DHRS7B: variants seen among roughly 807,000 people sequenced by gnomAD.
The protein encoded by DHRS7B is dehydrogenase/reductase 7B, also known as peroxisomal reductase activating PPAR-gamma.
Under a neutral mutation model 26.4 loss-of-function variants are expected in DHRS7B, and 24 were observed. The observed-to-expected ratio is 0.91, with a 90% CI of 0.66 to 1.28. DHRS7B has a LOEUF of 1.28. DHRS7B is among the 50% of genes most tolerant of loss of function. The pLI, the probability that DHRS7B is intolerant of heterozygous loss-of-function variation, is 0.00. For missense variants in DHRS7B, 368 were observed against 419.4 expected, an observed-to-expected ratio of 0.88 and a Z score of 1.07; for synonymous variants, 142 against 166.4, an observed-to-expected ratio of 0.85 and a Z score of 1.13.
intron 1 of DHRS7B, among the ~76,000 whole-genome samples, chr17:21,129,168 TA>T (rs1973172035): frequency 1.3e-5 from 2 of 152,102 alleles, no homozygotes; most frequent in African/African-American, 4.8e-5. Context: ...TAAAACTAAA[TA>T]TTAATTACGA....
intron 1 of DHRS7B, among the ~76,000 whole-genome samples, chr17:21,143,743 A>C (rs1382545851): frequency 1.3e-5 from 2 of 152,200 alleles, no homozygotes; most frequent in Non-Finnish European, 2.9e-5. Flanking sequence ...CCAATCTGGC[A>C]GCTTGCACAA....
intron 1 of DHRS7B, among the ~76,000 whole-genome samples, chr17:21,145,034 C>G (rs1285213025): frequency 4.0e-5 from 6 of 151,886 alleles, no homozygotes; most frequent in African/African-American, 1.5e-4. Context: ...TAAAAAAAAT[C>G]AACCTGTAGG....
chr17:21,132,352 T>A (rs549310746), intron 1 of DHRS7B, among the ~76,000 whole-genome samples: 255 of 142,280 alleles, frequency 1.8e-3, no homozygotes, highest in Middle Eastern at 3.5e-3. Flanking sequence ...AAAAAAAATA[T>A]ATATATATAT....
intron 1 of DHRS7B, among the ~76,000 whole-genome samples, chr17:21,142,227 CAG>C (rs1390817271): frequency 1.3e-5 from 2 of 152,154 alleles, no homozygotes; most frequent in Non-Finnish European, 2.9e-5. Flanking sequence ...GGGTACGTGA[CAG>C]GGGCTGCAAG....
At chr17:21,147,023 A>G (rs1457145907) in intron 1 of DHRS7B, among the ~76,000 whole-genome samples, 6 of 152,198 alleles carry the variant, frequency 3.9e-5, no homozygotes, top group African/African-American at 1.4e-4. Context: ...CTATGAAGAC[A>G]TTTGGATAGG....
chr17:21,137,491 C>T (rs1165985273), intron 1 of DHRS7B, among the ~76,000 whole-genome samples: 2 of 148,546 alleles, frequency 1.3e-5, no homozygotes, highest in Non-Finnish European at 1.5e-5. Flanking sequence ...AAGTTTTGCT[C>T]TTGTTGCCCA....
chr17:21,168,910 T>G (rs1048283800), intron 1 of DHRS7B: 1 of 985,328 alleles, frequency 1.0e-6, no homozygotes, highest in African/African-American at 1.7e-5. Context: ...GTTTTCGCTC[T>G]TTTCTTCATG....
At chr17:21,188,107 C>T (rs1277148261) in intron 5 of DHRS7B, among the ~76,000 whole-genome samples, 1 of 152,128 alleles carries the variant, frequency 6.6e-6, no homozygotes, top group Non-Finnish European at 1.5e-5. Flanking sequence ...ACCTTGGCCT[C>T]CCAAAGTGCT....
intron 1 of DHRS7B, among the ~76,000 whole-genome samples, chr17:21,132,360 TATAGATAG>T (rs1195637838): frequency 4.1e-5 from 6 of 146,928 alleles, no homozygotes; most frequent in South Asian, 4.3e-4. Context: ...TATATATATA[TATAGATAG>T]ATAGATAGAT....
intron 6 of DHRS7B, among the ~76,000 whole-genome samples, chr17:21,190,411 C>T (rs1974749857): frequency 6.6e-6 from 1 of 152,222 alleles, no homozygotes; most frequent in Non-Finnish European, 1.5e-5. Context: ...GGACATCTGT[C>T]TGCTCCTGAC....
chr17:21,140,851 TCTC>T (rs1016683382), intron 1 of DHRS7B, among the ~76,000 whole-genome samples: 7 of 152,116 alleles, frequency 4.6e-5, no homozygotes, highest in African/African-American at 1.7e-4. Context: ...AAGGGGTCAT[TCTC>T]CTTTTCTCCT....
In DHRS7B at chr17:21,142,270, C is replaced by T. The variant is rs550870100; in HGVS notation, c.20+15279C>T. 3.9e-5 allele frequency among the ~76,000 whole-genome samples: 6 copies of T among 152,184 alleles called. No homozygotes were observed. In the East Asian group the frequency reaches 9.7e-4, roughly 25 times the overall value. ...GTGGTCAGAGTGAAACAGAACAGAA[C>T]GGGAGGTTTCACAGTGTCTTTCCAT... On this transcript the variant is annotated intron_variant, in intron 1 of 6. Coordinates refer to ENST00000395511, the MANE Select transcript of DHRS7B (RefSeq NM_015510.5).
Sources: gnomAD v4.1 joint callset for allele counts (sites outside exome capture counted in the v4.1 genomes callset) on GRCh38, gnomAD v4.1.1 for gene constraint, MANE v1.5 for transcripts, NCBI Gene and HGNC (gene_info 2026-07-23, HGNC 2026-07-21) for gene names.